The following TMTC1 variants were observed in gnomAD, a reference collection of about 807,000 sequenced individuals.
TMTC1 encodes protein O-mannosyl-transferase TMTC1.
In TMTC1, 73 loss-of-function variants were observed where a neutral mutation model predicts 104.8. The observed-to-expected ratio is 0.70, with a 90% confidence interval of 0.58 to 0.85. TMTC1 has a LOEUF of 0.85. TMTC1 is among the 40% of genes least tolerant of loss of function. TMTC1 has a pLI of 0.00. For synonymous variants in TMTC1, 434 were observed against 428.7 expected, an observed-to-expected ratio of 1.01 and a Z score of -0.15; for missense variants, 1,035 against 1,096.1, an observed-to-expected ratio of 0.94 and a Z score of 0.79.
intron 5 of TMTC1, among the ~76,000 whole-genome samples, chr12:29,661,923 T>C (rs1319756435): frequency 6.6e-6 from 1 of 152,164 alleles, no homozygotes; most frequent in Non-Finnish European, 1.5e-5. Context: ...TACTCACTTA[T>C]AGGAATTGGG....
At chr12:29,636,915 G>C (rs1049421734) in intron 5 of TMTC1, among the ~76,000 whole-genome samples, 4 of 151,874 alleles carry the variant, frequency 2.6e-5, no homozygotes, top group Admixed American at 2.6e-4. Context: ...ACTTAGCTGG[G>C]TGTGGTGGCA....
chr12:29,638,721 T>A (rs1283661310), intron 5 of TMTC1, among the ~76,000 whole-genome samples: 1 of 152,148 alleles, frequency 6.6e-6, no homozygotes, highest in African/African-American at 2.4e-5. Context: ...CCGGCTGGTC[T>A]GCATGCTTCG....
intron 7 of TMTC1, among the ~76,000 whole-genome samples, chr12:29,587,681 A>C (rs541161558): frequency 6.6e-6 from 1 of 152,318 alleles, no homozygotes; most frequent in East Asian, 1.9e-4. Flanking sequence ...AGTTTGTGTA[A>C]AGCCATCCTA....
chr12:29,640,145 A>G (rs1236423809), intron 5 of TMTC1, among the ~76,000 whole-genome samples: 2 of 152,204 alleles, frequency 1.3e-5, no homozygotes, highest in Non-Finnish European at 1.5e-5. Flanking sequence ...TGAAAGAAGA[A>G]AAGAGAGCCA....
chr12:29,697,169 C>A (rs1219406734), intron 5 of TMTC1, among the ~76,000 whole-genome samples: 1 of 152,186 alleles, frequency 6.6e-6, no homozygotes, highest in Non-Finnish European at 1.5e-5. Flanking sequence ...GAACCAAGAA[C>A]ACAGTCATGT....
intron 6 of TMTC1, among the ~76,000 whole-genome samples, chr12:29,621,671 G>T (rs1937678288): frequency 6.6e-6 from 1 of 152,126 alleles, no homozygotes; most frequent in Non-Finnish European, 1.5e-5. Context: ...AGATGTGTGG[G>T]AATTTTATTT....
chr12:29,769,335 A>T (rs962680513), intron 1 of TMTC1, among the ~76,000 whole-genome samples: 4 of 152,226 alleles, frequency 2.6e-5, no homozygotes, highest in Non-Finnish European at 4.4e-5. Context: ...ATCCAACTCC[A>T]GGGCTCTGAT....
intron 9 of TMTC1, among the ~76,000 whole-genome samples, chr12:29,567,497 TCAA>T (rs1366792341): frequency 3.3e-5 from 5 of 152,180 alleles, no homozygotes; most frequent in Non-Finnish European, 7.3e-5. Flanking sequence ...TGTAATTTCA[TCAA>T]CAAGAAGCAA....
intron 5 of TMTC1, among the ~76,000 whole-genome samples, chr12:29,650,895 C>G (rs1442944238): frequency 6.6e-6 from 1 of 152,186 alleles, no homozygotes; most frequent in Admixed American, 6.5e-5. Context: ...ATCTAAAAAG[C>G]TAGACCTGGA....
intron 10 of TMTC1, among the ~76,000 whole-genome samples, chr12:29,545,629 TCACACACACACACACACA>T (rs55958433): frequency 0.013 from 943 of 73,572 alleles, 21 homozygotes; most frequent in East Asian, 0.089. Context: ...CAAGACTCTG[TCACACACACACACACACA>T]CACACACACA....
chr12:29,645,211 A>T (rs1939212670), intron 5 of TMTC1, among the ~76,000 whole-genome samples: 1 of 152,158 alleles, frequency 6.6e-6, no homozygotes. Context: ...GCAACCATAT[A>T]CTTTTCTACA....
intron 5 of TMTC1, among the ~76,000 whole-genome samples, chr12:29,683,837 T>C (rs1941002246): frequency 1.4e-5 from 2 of 146,764 alleles, no homozygotes. Context: ...GATAGTCTAT[T>C]TCCTATCATT....
chr12:29,756,933 A>C (rs1170208172), intron 3 of TMTC1, among the ~76,000 whole-genome samples: 1 of 152,262 alleles, frequency 6.6e-6, no homozygotes, highest in Non-Finnish European at 1.5e-5. Context: ...TATCATACAG[A>C]TATGGATACA....
chr12:29,688,133 C>G (rs10843487), intron 5 of TMTC1, among the ~76,000 whole-genome samples: 22,757 of 152,026 alleles, frequency 0.15, 1,932 homozygotes, highest in East Asian at 0.34. Context: ...CTGGGTTTCA[C>G]GTGCTGATTT....
At chr12:29,722,885 C>G (rs980554060) in intron 5 of TMTC1, among the ~76,000 whole-genome samples, 1 of 132,650 alleles carries the variant, frequency 7.5e-6, no homozygotes, top group African/African-American at 2.8e-5. Context: ...CGCACCATTG[C>G]ATTTCAGCCT....
Position 29,517,512 on chromosome 12 carries a change from T to C in TMTC1, c.2084A>G (p.Asn695Ser), listed in dbSNP as rs761584829. The change falls in exon 14 of 18, where the codon AAC becomes AGC. Residue 695 changes from asparagine to serine, a missense_variant. Coordinates refer to ENST00000539277, the MANE Select transcript of TMTC1 (RefSeq NM_001193451.2). Reference protein sequence around the residue: ...ILSPLGALYYNTGRYEEALQI... With the variant: ...ILSPLGALYYSTGRYEEALQI... ...CAAAGCCTCTTCGTATCGGCCAGTG[T>C]TGTAATACAGTGCTCCCAAAGGTGA... The C allele has an allele frequency of 6.2e-7, 1 of 1,614,114 alleles. No homozygotes were observed. The highest frequency in any genetic ancestry group is 1.1e-5 in the South Asian group (1 of 91,072).
At chr12:29,569,031 G>A (rs1011977466) in intron 9 of TMTC1, 1 of 455,088 alleles carries the variant, frequency 2.2e-6, no homozygotes, top group African/African-American at 2.0e-5. Context: ...GCAAAGCAAA[G>A]CTAACACTTG....
intron 1 of TMTC1, among the ~76,000 whole-genome samples, chr12:29,778,744 G>A (rs1943768238): frequency 2.0e-5 from 3 of 152,236 alleles, no homozygotes; most frequent in Admixed American, 2.0e-4. Context: ...ATTTGTATCA[G>A]TTAGGGTTAG....
At chr12:29,699,775 G>A (rs1384249684) in intron 5 of TMTC1, among the ~76,000 whole-genome samples, 6 of 150,494 alleles carry the variant, frequency 4.0e-5, no homozygotes, top group African/African-American at 1.5e-4. Flanking sequence ...GAGTAGCTGG[G>A]ACTACAGGCG....
Sources: allele counts gnomAD v4.1 joint callset (sites outside exome capture counted in the v4.1 genomes callset), GRCh38; gene constraint gnomAD v4.1.1; transcripts MANE v1.5; gene names NCBI Gene and HGNC (gene_info 2026-07-23, HGNC 2026-07-21).